AJAP1: variants seen among roughly 807,000 people sequenced by gnomAD.
The protein encoded by AJAP1 is adherens junction-associated protein 1.
A neutral mutation model predicts 35.0 loss-of-function variants in AJAP1; 5 were observed. The ratio of observed to expected loss-of-function variants is 0.14; its 90% CI spans 0.07 to 0.30. The LOEUF is 0.30. Among genes scored for constraint, AJAP1 ranks in the 10% least tolerant of loss-of-function variants. The probability of loss-of-function intolerance (pLI) is 1.00; values close to 1 mark genes in which losing one functional copy is unlikely to be tolerated. For synonymous variants in AJAP1, 284 were observed against 249.3 expected, an observed-to-expected ratio of 1.14 and a Z score of -1.31; for missense variants, 586 against 571.0, an observed-to-expected ratio of 1.03 and a Z score of -0.27.
Position 4,692,144 on chromosome 1 carries a change from T to A in AJAP1, c.30-19756T>A, listed in dbSNP as rs1027898930. The stretch of plus-strand genomic sequence containing the variant: ...CTATTATCTCTGCATCGTTGCCGCC[T>A]TCTCGAGGGTTAGGAGTCAGCCCCG... On this transcript the variant is annotated intron_variant, in intron 1 of 5. Coordinates refer to ENST00000378191, the MANE Select transcript of AJAP1 (RefSeq NM_018836.4). The surrounding 1 kb of genome is among the most constrained non-coding windows in gnomAD (Gnocchi z 4.4). 2.6e-5 allele frequency among the ~76,000 whole-genome samples: 4 copies of A among 152,116 alleles called. No individual in the cohort carries two copies. The highest frequency in any genetic ancestry group is 4.8e-5 in the African/African-American group (2 of 41,440).
intron 1 of AJAP1, among the ~76,000 whole-genome samples, chr1:4,669,852 C>A (rs1253541917): frequency 1.3e-5 from 2 of 152,182 alleles, no homozygotes; most frequent in Admixed American, 6.5e-5. Flanking sequence ...CTTTTGGCTG[C>A]TGTGAACATT....
Position 4,723,315 on chromosome 1 carries a change from A to G in AJAP1, c.829+10616A>G, listed in dbSNP as rs1640566057. Among the ~76,000 whole-genome samples the G allele has an allele frequency of 6.6e-6, 1 of 152,166 alleles. No homozygotes were observed. Among genetic ancestry groups the G allele is most frequent in the African/African-American group, 2.4e-5 (1 of 41,448 alleles). On this transcript the variant is annotated intron_variant, in intron 2 of 5. Coordinates refer to ENST00000378191, the MANE Select transcript of AJAP1 (RefSeq NM_018836.4). This position sits in a 1 kb window ranked among gnomAD's most constrained non-coding sequence, Gnocchi z 4.3. ...GGGAGCGCCTGTGGATACTCCTTGG[A>G]TTCCTGAGTCTGCCACTCGGGGGCT...
intron 2 of AJAP1, among the ~76,000 whole-genome samples, chr1:4,755,890 A>AG (rs1366548309): frequency 5.3e-5 from 8 of 152,234 alleles, no homozygotes; most frequent in South Asian, 2.1e-4. Context: ...CCCACCTAAC[A>AG]GGGTTCTTGC....
At chr1:4,699,101 T>C (rs72638812) in intron 1 of AJAP1, among the ~76,000 whole-genome samples, 14,543 of 152,148 alleles carry the variant, frequency 0.096, 803 homozygotes, top group African/African-American at 0.14. Context: ...ATCTGGTCAT[T>C]GTCACACCCA....
At chr1:4,765,054 G>A (rs899817811) in intron 2 of AJAP1, among the ~76,000 whole-genome samples, 3 of 152,146 alleles carry the variant, frequency 2.0e-5, no homozygotes, top group African/African-American at 7.2e-5. Context: ...TCATCATCTG[G>A]ATGGCAGCTG....
intron 1 of AJAP1, among the ~76,000 whole-genome samples, chr1:4,709,422 G>A (rs1031870854): frequency 6.6e-6 from 1 of 151,906 alleles, no homozygotes; most frequent in South Asian, 2.1e-4. Context: ...GTGAGGCCTG[G>A]TGAGGTCTGG....
chr1:4,764,395 A>T (rs1641637042), intron 2 of AJAP1, among the ~76,000 whole-genome samples: 1 of 152,150 alleles, frequency 6.6e-6, no homozygotes. Flanking sequence ...ACGAAGCCTA[A>T]TCCCTGAGGT....
intron 2 of AJAP1, among the ~76,000 whole-genome samples, chr1:4,716,660 T>C (rs1417944126): frequency 6.6e-6 from 1 of 151,726 alleles, no homozygotes; most frequent in African/African-American, 2.4e-5. Flanking sequence ...ATGATGGTGA[T>C]GATAATGATG....
intron 1 of AJAP1, among the ~76,000 whole-genome samples, chr1:4,690,600 C>T (rs1255991584): frequency 6.6e-6 from 1 of 152,210 alleles, no homozygotes; most frequent in African/African-American, 2.4e-5. Flanking sequence ...TATTGGGTGT[C>T]ACTGTGCCTG....
chr1:4,776,617 G>A (rs578201688), intron 5 of AJAP1, among the ~76,000 whole-genome samples: 2 of 152,338 alleles, frequency 1.3e-5, no homozygotes, highest in African/African-American at 4.8e-5. Context: ...AAACCTTCGT[G>A]TCTCATCAGC....
chr1:4,670,375 G>C (rs1057393645), intron 1 of AJAP1, among the ~76,000 whole-genome samples: 1 of 152,190 alleles, frequency 6.6e-6, no homozygotes, highest in African/African-American at 2.4e-5. Context: ...TATTCTTGGT[G>C]CCTTTTCCTT....
intron 1 of AJAP1, among the ~76,000 whole-genome samples, chr1:4,662,798 G>GTGTCGAGTGCATTC (rs1553153639): frequency 6.6e-6 from 1 of 152,254 alleles, no homozygotes; most frequent in Non-Finnish European, 1.5e-5. Context: ...CATTTATTGA[G>GTGTCGAGTGCATTC]TGTCGAGTGC....
chr1:4,672,050 G>A (rs556028178), intron 1 of AJAP1, among the ~76,000 whole-genome samples: 44 of 152,334 alleles, frequency 2.9e-4, no homozygotes, highest in Non-Finnish European at 4.9e-4. Context: ...TGAGACTCAC[G>A]GAGCTGCTTG....
intron 1 of AJAP1, among the ~76,000 whole-genome samples, chr1:4,658,029 T>A (rs1638920373): frequency 6.6e-6 from 1 of 151,382 alleles, no homozygotes. Flanking sequence ...AGCAAGCAGC[T>A]CAGAGCTCAC....
intron 2 of AJAP1, among the ~76,000 whole-genome samples, chr1:4,715,207 G>T (rs1208251586): frequency 6.6e-6 from 1 of 152,194 alleles, no homozygotes; most frequent in Non-Finnish European, 1.5e-5. Context: ...GACATCTAAG[G>T]CAGCAGAAGT....
chr1:4,770,909 G>T (rs1641819722), intron 3 of AJAP1, among the ~76,000 whole-genome samples: 1 of 152,118 alleles, frequency 6.6e-6, no homozygotes, highest in South Asian at 2.1e-4. Context: ...TGGGACCCCG[G>T]GCGTTTTCTG....
At chr1:4,712,763 A>G (rs1226503588) in intron 2 of AJAP1, 64 bp downstream of exon 2, 8 of 1,443,540 alleles carry the variant, frequency 5.5e-6, no homozygotes, top group Non-Finnish European at 6.5e-6. Flanking sequence ...GTGACTCGGG[A>G]GAGATGCTTA....
intron 5 of AJAP1, among the ~76,000 whole-genome samples, chr1:4,779,945 G>C (rs1642027764): frequency 1.3e-5 from 2 of 151,944 alleles, no homozygotes; most frequent in African/African-American, 4.8e-5. Flanking sequence ...AGGAGTTTGA[G>C]ACCAGTCTGA....
chr1:4,677,418 A>G (rs78493523), intron 1 of AJAP1, among the ~76,000 whole-genome samples: 18,780 of 152,048 alleles, frequency 0.12, 1,487 homozygotes, highest in East Asian at 0.29. Context: ...CTGCCCGGCT[A>G]ATTAATTGCT....
Sources: allele counts gnomAD v4.1 joint callset (sites outside exome capture counted in the v4.1 genomes callset), GRCh38; gene constraint gnomAD v4.1.1; non-coding constraint Gnocchi (gnomAD v3.1); transcripts MANE v1.5; gene names NCBI Gene and HGNC (gene_info 2026-07-23, HGNC 2026-07-21).